Variants in RHOU observed in about 807,000 individuals in gnomAD.
The protein encoded by RHOU is rho-related GTP-binding protein RhoU.
A neutral mutation model predicts 12.6 loss-of-function variants in RHOU; 8 were observed. That is an observed-to-expected ratio of 0.64 (90% confidence interval 0.37 to 1.15). The LOEUF is 1.15. Ranked by LOEUF, RHOU falls within the 50% of genes most tolerant of loss-of-function variation. The pLI is 0.01. For synonymous variants in RHOU, 161 were observed against 147.4 expected, an observed-to-expected ratio of 1.09 and a Z score of -0.67; for missense variants, 258 against 347.0, an observed-to-expected ratio of 0.74 and a Z score of 2.04.
chr1:228,653,695 A>G, the RHOU span, among the ~76,000 whole-genome samples: 1 of 152,168 alleles, frequency 6.6e-6, no homozygotes, highest in Admixed American at 6.5e-5. Flanking sequence ...GCCTCAAGCA[A>G]TCCTCCCACC....
chr1:228,684,262 G>C, the RHOU span, among the ~76,000 whole-genome samples: 28 of 152,018 alleles, frequency 1.8e-4, no homozygotes, highest in East Asian at 4.1e-3. Flanking sequence ...GTCTTGAACT[G>C]CTGACCTCAG....
At chr1:228,668,087 C>A in the RHOU span, among the ~76,000 whole-genome samples, 1 of 152,072 alleles carries the variant, frequency 6.6e-6, no homozygotes, top group Non-Finnish European at 1.5e-5. Context: ...ATCAATCATA[C>A]CTATGTAATG....
At chr1:228,660,865 A>G in the RHOU span, among the ~76,000 whole-genome samples, 1 of 150,908 alleles carries the variant, frequency 6.6e-6, no homozygotes, top group Non-Finnish European at 1.5e-5. Flanking sequence ...CCCAGGAGGC[A>G]GAGGTTGCGG....
At chr1:228,714,434 T>G in the RHOU span, among the ~76,000 whole-genome samples, 1 of 152,198 alleles carries the variant, frequency 6.6e-6, no homozygotes, top group Non-Finnish European at 1.5e-5. Flanking sequence ...CTCTCTGAAA[T>G]GATCTAGGTC....
the RHOU span, among the ~76,000 whole-genome samples, chr1:228,660,083 G>A: frequency 6.6e-6 from 1 of 152,160 alleles, no homozygotes; most frequent in Middle Eastern, 3.4e-3. Flanking sequence ...GAACCTGGGA[G>A]GTGGAGGTTG....
At chr1:228,659,964 AAC>A in the RHOU span, among the ~76,000 whole-genome samples, 17,000 of 105,782 alleles carry the variant, frequency 0.16, 1,006 homozygotes, top group East Asian at 0.26. Flanking sequence ...ACAAAAAAAA[AAC>A]AAAAAAAAAA....
chr1:228,649,855 G>A, the RHOU span, among the ~76,000 whole-genome samples: 1 of 152,168 alleles, frequency 6.6e-6, no homozygotes, highest in East Asian at 1.9e-4. Flanking sequence ...TTTTATGGGT[G>A]TGTTATTGAT....
chr1:228,726,025 GTTTTAAAAAC>G, the RHOU span, among the ~76,000 whole-genome samples: 1 of 152,136 alleles, frequency 6.6e-6, no homozygotes, highest in African/African-American at 2.4e-5. Flanking sequence ...AATAGGAGGA[GTTTTAAAAAC>G]TTTTAAAAAC....
chr1:228,696,788 C>T, the RHOU span, among the ~76,000 whole-genome samples: 3 of 152,154 alleles, frequency 2.0e-5, no homozygotes, highest in African/African-American at 7.2e-5. Flanking sequence ...CTCAAGCGAT[C>T]CACCCGCCTC....
At chr1:228,683,686 T>C in the RHOU span, among the ~76,000 whole-genome samples, 1 of 152,232 alleles carries the variant, frequency 6.6e-6, no homozygotes, top group Admixed American at 6.5e-5. Context: ...TAATTGATGA[T>C]GGCAAAATCC....
the RHOU span, among the ~76,000 whole-genome samples, chr1:228,674,451 A>G: frequency 6.7e-6 from 1 of 149,026 alleles, no homozygotes; most frequent in Non-Finnish European, 1.5e-5. Context: ...GGTTCAAGCG[A>G]TTCTCCAGCC....
chr1:228,701,704 T>C, the RHOU span, among the ~76,000 whole-genome samples: 25,593 of 151,826 alleles, frequency 0.17, 2,828 homozygotes, highest in African/African-American at 0.31. Flanking sequence ...TTTAGTTTTA[T>C]TTATATCTTT....
the RHOU span, among the ~76,000 whole-genome samples, chr1:228,679,671 G>C: frequency 6.6e-6 from 1 of 152,214 alleles, no homozygotes; most frequent in South Asian, 2.1e-4. Context: ...TGCTACAACA[G>C]ATAAGTGATA....
chr1:228,742,394 C>T (rs1662741562), intron 2 of RHOU, among the ~76,000 whole-genome samples: 1 of 152,214 alleles, frequency 6.6e-6, no homozygotes, highest in South Asian at 2.1e-4. Flanking sequence ...ATTGGCAGCA[C>T]AACCGTTGGT....
At chr1:228,656,528 G>A in the RHOU span, among the ~76,000 whole-genome samples, 3 of 152,028 alleles carry the variant, frequency 2.0e-5, no homozygotes, top group East Asian at 5.8e-4. Context: ...ACATGTAATT[G>A]TTTGACATCA....
chr1:228,669,983 C>A, the RHOU span, among the ~76,000 whole-genome samples: 1 of 152,214 alleles, frequency 6.6e-6, no homozygotes, highest in East Asian at 1.9e-4. Flanking sequence ...GGCTCATACA[C>A]AGTAGCCAGT....
the RHOU span, among the ~76,000 whole-genome samples, chr1:228,684,797 G>A: frequency 6.6e-6 from 1 of 152,156 alleles, no homozygotes; most frequent in Admixed American, 6.5e-5. Flanking sequence ...CTGGCTTGCA[G>A]ACCAAAAGGG....
the RHOU span, among the ~76,000 whole-genome samples, chr1:228,714,825 C>T: frequency 7.1e-6 from 1 of 141,712 alleles, no homozygotes; most frequent in African/African-American, 2.7e-5. Flanking sequence ...CTCACTGCAA[C>T]CTCCGCCTCC....
chr1:228,719,586 C>T, the RHOU span, among the ~76,000 whole-genome samples: 4 of 151,974 alleles, frequency 2.6e-5, no homozygotes, highest in Non-Finnish European at 4.4e-5. Context: ...AAAAATTAGC[C>T]GGGCATGGTG....
Sources: gnomAD v4.1 joint callset for allele counts (sites outside exome capture counted in the v4.1 genomes callset) on GRCh38, gnomAD v4.1.1 for gene constraint, MANE v1.5 for transcripts, NCBI Gene and HGNC (gene_info 2026-07-23, HGNC 2026-07-21) for gene names.